PPM1H: variants seen among roughly 807,000 people sequenced by gnomAD.
PPM1H encodes protein phosphatase, Mg2+/Mn2+ dependent 1H, also known as protein phosphatase 1H.
PPM1H carries 27 observed loss-of-function variants against 54.9 expected under a neutral mutation model. That is an observed-to-expected ratio of 0.49 (90% CI 0.36 to 0.68). The LOEUF is 0.68. Ranked by LOEUF, PPM1H falls within the 30% of genes least tolerant of loss-of-function variation. The probability of loss-of-function intolerance (pLI) is 0.00; values close to 1 mark genes in which losing one functional copy is unlikely to be tolerated. For missense variants in PPM1H, 596 were observed against 667.8 expected, an observed-to-expected ratio of 0.89 and a Z score of 1.19; for synonymous variants, 305 against 270.8, an observed-to-expected ratio of 1.13 and a Z score of -1.24.
intron 4 of PPM1H, chr12:62,756,089 C>T (rs560545535): frequency 3.6e-5 from 36 of 992,870 alleles, no homozygotes; most frequent in East Asian, 7.2e-5. Flanking sequence ...ATTTTAACAG[C>T]GACATCCACT....
rs575086625 is a variant in PPM1H, at chr12:62,905,163, A to G, written c.245+29329T>C. Among the ~76,000 whole-genome samples, 119 of 152,362 alleles carry G rather than the reference A, an allele frequency of 7.8e-4. 2 individuals carry two copies. The highest frequency in any genetic ancestry group is 2.6e-3 in the African/African-American group (109 of 41,596). On this transcript the variant is annotated intron_variant, in intron 1 of 9. Transcript: ENST00000228705. ...AACAATTAAATGAGACAGTATTGGT[A>G]GAGAGCTCAGAACAGTATCTCACAC...
At chr12:62,746,382 T>C (rs1188375917) in intron 4 of PPM1H, among the ~76,000 whole-genome samples, 1 of 152,210 alleles carries the variant, frequency 6.6e-6, no homozygotes, top group Non-Finnish European at 1.5e-5. Context: ...AAATTTTCAA[T>C]GTGTTCCATC....
rs187784615 is a variant in PPM1H at position 62,847,055 on chromosome 12, T to C, written c.246-14776A>G. 5.3e-4 allele frequency among the ~76,000 whole-genome samples: 81 copies of C among 152,306 alleles called. 1 individual carries two copies. Among genetic ancestry groups the C allele is most frequent in the African/African-American group, 1.7e-3 (71 of 41,566 alleles). On this transcript the variant is annotated intron_variant, in intron 1 of 9. Coordinates refer to ENST00000228705, the MANE Select transcript of PPM1H (RefSeq NM_020700.2). ...CCGTCCCATTCATATGGTTTTTCCA[T>C]GGCCAGAGGTGACTGGTTTAGGGAT...
intron 9 of PPM1H, among the ~76,000 whole-genome samples, chr12:62,653,830 C>T (rs2123): frequency 0.22 from 33,070 of 151,914 alleles, 3,851 homozygotes; most frequent in Middle Eastern, 0.34. Context: ...ATGATCAGGG[C>T]AGGGGAGGGC....
intron 1 of PPM1H, among the ~76,000 whole-genome samples, chr12:62,867,684 TCTC>T (rs1869832931): frequency 6.8e-6 from 1 of 146,646 alleles, no homozygotes; most frequent in African/African-American, 2.5e-5. Flanking sequence ...TTCACGCCAT[TCTC>T]CTGCCTCAGC....
Position 62,838,852 on chromosome 12 carries a change from C to T in PPM1H, c.246-6573G>A, listed in dbSNP as rs368373924. On this transcript the variant is annotated intron_variant, in intron 1 of 9. Transcript: ENST00000228705. ...AGGAGAATGGCGTGAACCCGGGAGG[C>T]GGAGCTTGCAGTGAGCCGAGATCGC... 9.4e-5 allele frequency among the ~76,000 whole-genome samples: 8 copies of T among 85,536 alleles called. 1 individual carries two copies. The East Asian group carries it at 1.2e-3, about 13-fold the overall frequency. 56.1% of individuals were successfully genotyped at this position (85,536 alleles called of 152,430 possible).
chr12:62,918,258 C>T (rs1871684929), intron 1 of PPM1H, among the ~76,000 whole-genome samples: 1 of 152,206 alleles, frequency 6.6e-6, no homozygotes, highest in Non-Finnish European at 1.5e-5. Context: ...CACCATGCTA[C>T]TCCTCTGTCA....
chr12:62,673,785 GC>G (rs1158272657), intron 8 of PPM1H, among the ~76,000 whole-genome samples: 1 of 133,656 alleles, frequency 7.5e-6, no homozygotes, highest in Admixed American at 8.8e-5. Flanking sequence ...GAGTGCTGTG[GC>G]ACAATTCTGG....
chr12:62,703,975 CGTGTGTGTGTGTGTGTGTGTGTGT>C (rs4026211), intron 6 of PPM1H, among the ~76,000 whole-genome samples: 6 of 146,552 alleles, frequency 4.1e-5, no homozygotes, highest in Non-Finnish European at 6.0e-5. Context: ...AGAGAGAAAG[CGTGTGTGTGTGTGTGTGTGTGTGT>C]GTGTGTGTGT....
At chr12:62,668,292 C>G (rs1186140806) in intron 8 of PPM1H, among the ~76,000 whole-genome samples, 1 of 152,136 alleles carries the variant, frequency 6.6e-6, no homozygotes, top group Admixed American at 6.5e-5. Context: ...AGAATCAATC[C>G]CTGCCTATTA....
intron 5 of PPM1H, among the ~76,000 whole-genome samples, chr12:62,721,790 G>A (rs1020659170): frequency 2.6e-5 from 4 of 152,102 alleles, no homozygotes; most frequent in Admixed American, 2.0e-4. Context: ...ATCCCACACT[G>A]CTGTTTTCAT....
chr12:62,810,398 G>T (rs958210620), intron 2 of PPM1H, among the ~76,000 whole-genome samples: 4 of 152,124 alleles, frequency 2.6e-5, no homozygotes, highest in Non-Finnish European at 4.4e-5. Flanking sequence ...AAGAGACATT[G>T]CCATCTCTGG....
intron 2 of PPM1H, among the ~76,000 whole-genome samples, chr12:62,810,504 T>C (rs931200462): frequency 3.4e-4 from 52 of 152,234 alleles, no homozygotes; most frequent in African/African-American, 1.2e-3. Context: ...AGCTAGGGCA[T>C]ATCCACCCCT....
chr12:62,748,221 C>A (rs1024621678), intron 4 of PPM1H, among the ~76,000 whole-genome samples: 7 of 149,300 alleles, frequency 4.7e-5, no homozygotes, highest in African/African-American at 1.7e-4. Context: ...CCAGCCTGGG[C>A]GACAGAGCGA....
intron 5 of PPM1H, among the ~76,000 whole-genome samples, chr12:62,732,981 G>C (rs928588094): frequency 4.6e-5 from 7 of 152,252 alleles, no homozygotes; most frequent in Non-Finnish European, 8.8e-5. Context: ...GGGAATGAAT[G>C]CTTAAAATAA....
In PPM1H at chr12:62,670,027, G is replaced by T. The variant is rs182498020; in HGVS notation, c.1246-2698C>A. Among the ~76,000 whole-genome samples, 485 of 133,014 alleles carry T rather than the reference G, an allele frequency of 3.6e-3. 3 individuals carry two copies. Among genetic ancestry groups the T allele is most frequent in the Admixed American group, 7.3e-3 (87 of 11,894 alleles). The allele number at this position is 133,014 out of a possible 152,430, so 87.3% of individuals were successfully genotyped here. A position where few individuals can be genotyped will look rare whatever the true frequency, so the allele number is the denominator to read the frequency against. ...AGTTTTGCTCTTGTTGCCCAGGCTG[G>T]AGTGCAATGGCATGATCTCAGCTCA... On this transcript the variant is annotated intron_variant, in intron 8 of 9. Coordinates refer to ENST00000228705, the MANE Select transcript of PPM1H (RefSeq NM_020700.2).
chr12:62,755,736 G>A, intron 4 of PPM1H: 1 of 758,430 alleles, frequency 1.3e-6, no homozygotes, highest in South Asian at 1.6e-5. Flanking sequence ...CCGGTATCGT[G>A]GAAGGACTCA....
chr12:62,897,313 T>G (rs1024794468), intron 1 of PPM1H, among the ~76,000 whole-genome samples: 1 of 151,994 alleles, frequency 6.6e-6, no homozygotes, highest in African/African-American at 2.4e-5. Flanking sequence ...AAAAATCAAA[T>G]AAAATAAAAC....
chr12:62,843,273 C>T (rs973933764), intron 1 of PPM1H, among the ~76,000 whole-genome samples: 3 of 152,070 alleles, frequency 2.0e-5, no homozygotes, highest in Admixed American at 6.5e-5. Flanking sequence ...GCCGAGATGG[C>T]GCCACTGCAC....
Sources: allele counts gnomAD v4.1 joint callset (sites outside exome capture counted in the v4.1 genomes callset), GRCh38; gene constraint gnomAD v4.1.1; transcripts MANE v1.5; gene names NCBI Gene and HGNC (gene_info 2026-07-23, HGNC 2026-07-21).